TP53BP2: variants seen among roughly 807,000 people sequenced by gnomAD.
TP53BP2 encodes apoptosis-stimulating of p53 protein 2.
TP53BP2 carries 62 observed loss-of-function variants against 126.2 expected under a neutral mutation model. The observed-to-expected ratio is 0.49, with a 90% CI of 0.40 to 0.61. The LOEUF (loss-of-function observed/expected upper bound fraction) is 0.61. Among genes scored for constraint, TP53BP2 ranks in the 20% least tolerant of loss-of-function variants. The pLI, the probability that TP53BP2 is intolerant of heterozygous loss-of-function variation, is 0.00. For synonymous variants in TP53BP2, 485 were observed against 502.9 expected, an observed-to-expected ratio of 0.96 and a Z score of 0.48; for missense variants, 1,215 against 1,402.8, an observed-to-expected ratio of 0.87 and a Z score of 2.14.
intron 2 of TP53BP2, among the ~76,000 whole-genome samples, chr1:223,818,547 A>G (rs1232460529): frequency 6.6e-6 from 1 of 151,406 alleles, no homozygotes; most frequent in Admixed American, 6.6e-5. Flanking sequence ...AAAAATCTAG[A>G]ACACATATCG....
chr1:223,824,622 C>T (rs535924945), intron 1 of TP53BP2, among the ~76,000 whole-genome samples: 7 of 152,112 alleles, frequency 4.6e-5, no homozygotes, highest in East Asian at 1.9e-4. Context: ...CGTTTACCTA[C>T]GTAACAAACC....
chr1:223,845,184 T>G, intron 1 of TP53BP2: 2 of 954,364 alleles, frequency 2.1e-6, no homozygotes, highest in African/African-American at 3.5e-5. Context: ...GTGACTTAGC[T>G]GCTACTGTGG....
In TP53BP2 at chr1:223,795,948, A is replaced by G. The variant is rs1268973137; in HGVS notation, c.2591T>C (p.Val864Ala). ...GTACTCCTCCAGGTACACATCAAGC[A>G]CATGTGGAGCCTCTGGATTTGGTTC... ...PEEPNPEAPH[V>A]LDVYLEEYPP... The change falls in exon 13 of 18, where the codon GTG (valine) becomes GCG (alanine). Residue 864 changes from valine (V) to alanine (A), a missense_variant. Coordinates refer to ENST00000343537, the MANE Select transcript of TP53BP2 (RefSeq NM_001031685.3). 1 of 1,614,122 alleles carries G rather than the reference A, an allele frequency of 6.2e-7. No individual in the cohort carries two copies.
At chr1:223,827,329 G>A (rs1282495827) in intron 1 of TP53BP2, among the ~76,000 whole-genome samples, 1 of 152,180 alleles carries the variant, frequency 6.6e-6, no homozygotes, top group Admixed American at 6.5e-5. Flanking sequence ...AAAAAAGGAA[G>A]AAGTCCAGAA....
chr1:223,780,227 G>C lies in TP53BP2; in HGVS notation c.*626C>G, dbSNP rs1434455590. 1 of 152,160 alleles carries C rather than the reference G, an allele frequency of 6.6e-6. No individual in the cohort carries two copies. The highest frequency in any genetic ancestry group is 1.5e-5 in the Non-Finnish European group (1 of 68,042). The allele number at this position is 152,160 out of a possible 1,614,324, so 9.4% of individuals were successfully genotyped here. A position where few individuals can be genotyped will look rare whatever the true frequency, so the allele number is the denominator to read the frequency against. On this transcript the variant is annotated 3_prime_UTR_variant, in exon 18 of 18. Coordinates refer to ENST00000343537, the MANE Select transcript of TP53BP2 (RefSeq NM_001031685.3). ...AGATTAAAATTCAGCCTACAAACAA[G>C]ATTCTACATCTAATTACTGGTACCG... is the stretch of plus-strand genomic sequence containing the variant.
At chr1:223,823,541 T>C (rs1291033302) in intron 1 of TP53BP2, among the ~76,000 whole-genome samples, 3 of 152,270 alleles carry the variant, frequency 2.0e-5, no homozygotes, top group Non-Finnish European at 2.9e-5. Flanking sequence ...TTTCCCAGTA[T>C]GAGCTCAAAA....
chr1:223,817,138 G>C (rs1459185928), intron 2 of TP53BP2, among the ~76,000 whole-genome samples: 2 of 150,252 alleles, frequency 1.3e-5, no homozygotes, highest in African/African-American at 2.5e-5. Flanking sequence ...CTCCAGCCTG[G>C]GCGACACAGC....
In TP53BP2 at chr1:223,814,443, T is replaced by C. The variant is rs3753049; in HGVS notation, c.176-90A>G. The C allele has an allele frequency of 4.8e-5, 45 of 934,672 alleles. No homozygotes were observed. The East Asian group carries it at 1.0e-3, about 22-fold the overall frequency. The allele number at this position is 934,672 out of a possible 1,614,324, so 57.9% of individuals were successfully genotyped here. On this transcript the variant is annotated intron_variant, in intron 2 of 17. Transcript: ENST00000343537. ...ATCTATCCTTCATGCAAATTATACA[T>C]TATGGATACAACAAATGCTTAGTAT...
At chr1:223,810,592 G>T in intron 3 of TP53BP2, 79 bp from the exon 4 acceptor site, 2 of 957,686 alleles carry the variant, frequency 2.1e-6, no homozygotes, top group Non-Finnish European at 3.1e-6. Flanking sequence ...TCTGAGTTCT[G>T]TCATTACTGT....
intron 16 of TP53BP2, 112 bp downstream of exon 16, chr1:223,788,896 C>T: frequency 8.8e-7 from 1 of 1,133,222 alleles, no homozygotes; most frequent in Admixed American, 2.2e-5. Context: ...AGGCCCAAGA[C>T]TATGGATAAC....
At chr1:223,783,585 T>A (rs1168614954) in intron 17 of TP53BP2, among the ~76,000 whole-genome samples, 1 of 152,204 alleles carries the variant, frequency 6.6e-6, no homozygotes, top group East Asian at 1.9e-4. Context: ...TCTCGCTTTC[T>A]CTCCTCTGTC....
At chr1:223,840,254 G>A (rs1391359318) in intron 1 of TP53BP2, among the ~76,000 whole-genome samples, 1 of 152,160 alleles carries the variant, frequency 6.6e-6, no homozygotes, top group Non-Finnish European at 1.5e-5. Flanking sequence ...GCCCCAATAA[G>A]ACATAGAATT....
intron 5 of TP53BP2, among the ~76,000 whole-genome samples, chr1:223,806,350 G>A (rs1427504961): frequency 6.6e-6 from 1 of 152,044 alleles, no homozygotes; most frequent in Non-Finnish European, 1.5e-5. Context: ...GATGATACAA[G>A]GATTTCTACA....
At chr1:223,813,922 G>A (rs10915824) in intron 3 of TP53BP2, among the ~76,000 whole-genome samples, 23,810 of 152,170 alleles carry the variant, frequency 0.16, 2,364 homozygotes, top group Non-Finnish European at 0.22. Flanking sequence ...TTTCTGTCCT[G>A]TTATTATGGA....
chr1:223,830,019 GAGC>G (rs1431743622), intron 1 of TP53BP2, among the ~76,000 whole-genome samples: 2 of 152,232 alleles, frequency 1.3e-5, no homozygotes, highest in African/African-American at 4.8e-5. Flanking sequence ...GCATACTTAA[GAGC>G]AGAAGATATA....
chr1:223,844,042 C>T (rs1558115244), intron 1 of TP53BP2, among the ~76,000 whole-genome samples: 2 of 152,118 alleles, frequency 1.3e-5, no homozygotes, highest in South Asian at 4.2e-4. Context: ...GTACTATTAT[C>T]CCCATTTTAC....
At chr1:223,810,866 T>C (rs1662887677) in intron 3 of TP53BP2, among the ~76,000 whole-genome samples, 1 of 152,176 alleles carries the variant, frequency 6.6e-6, no homozygotes, top group Non-Finnish European at 1.5e-5. Context: ...AGTCATCTAT[T>C]TAGCTACTCA....
At chr1:223,795,698 T>G in intron 13 of TP53BP2, 117 bp downstream of exon 13, 1 of 930,752 alleles carries the variant, frequency 1.1e-6, no homozygotes, top group Non-Finnish European at 1.5e-6. Flanking sequence ...AGATCCACTC[T>G]GTGCCAAGGG....
intron 1 of TP53BP2, among the ~76,000 whole-genome samples, chr1:223,832,800 C>A (rs1663787024): frequency 6.6e-6 from 1 of 152,200 alleles, no homozygotes; most frequent in African/African-American, 2.4e-5. Context: ...AGCTTGGCTC[C>A]CTAATTCAGA....
Sources: allele counts gnomAD v4.1 joint callset (sites outside exome capture counted in the v4.1 genomes callset), GRCh38; gene constraint gnomAD v4.1.1; transcripts MANE v1.5; gene names NCBI Gene and HGNC (gene_info 2026-07-23, HGNC 2026-07-21).